The following NRXN3 variants were observed in gnomAD, a reference collection of about 807,000 sequenced individuals.
NRXN3 encodes the protein neurexin III.
A neutral mutation model predicts 137.6 loss-of-function variants in NRXN3; 32 were observed. That is an observed-to-expected ratio of 0.23 (90% CI 0.18 to 0.31). The LOEUF (loss-of-function observed/expected upper bound fraction) is 0.31. Ranked by LOEUF, NRXN3 falls within the 10% of genes least tolerant of loss-of-function variation. The pLI, the probability that NRXN3 is intolerant of heterozygous loss-of-function variation, is 1.00. For missense variants in NRXN3, 1,574 were observed against 2,062.5 expected (o/e 0.76, Z 4.59); for synonymous variants, 798 against 784.5 (o/e 1.02, Z -0.29).
chr14:79,149,668 A>C (rs1439588123), intron 15 of NRXN3, among the ~76,000 whole-genome samples: 1 of 152,108 alleles, frequency 6.6e-6, no homozygotes. Context: ...ATGGAATACT[A>C]TACAGACATA....
chr14:79,127,549 A>G (rs2056737435), intron 15 of NRXN3, among the ~76,000 whole-genome samples: 1 of 152,174 alleles, frequency 6.6e-6, no homozygotes, highest in Non-Finnish European at 1.5e-5. Flanking sequence ...CTGTTTTGGT[A>G]CCAGTACCAT....
chr14:78,294,274 G>A (rs565385049), intron 3 of NRXN3, among the ~76,000 whole-genome samples: 6 of 152,276 alleles, frequency 3.9e-5, no homozygotes, highest in African/African-American at 1.2e-4. Flanking sequence ...CTCGTGTCAG[G>A]CTGGGCGTGG....
In NRXN3 at chr14:79,865,632, A is replaced by AGAT. The variant is rs1451981107; in HGVS notation, c.*3670_*3672dup. The AGAT allele has an allele frequency of 6.6e-6, 1 of 151,892 alleles. No individual in the cohort carries two copies. Among genetic ancestry groups the AGAT allele is most frequent in the African/African-American group, 2.4e-5 (1 of 41,332 alleles). 9.4% of individuals were successfully genotyped at this position (151,892 alleles called of 1,614,324 possible). On this transcript the variant is annotated 3_prime_UTR_variant, in exon 21 of 21. Coordinates refer to ENST00000335750, the MANE Select transcript of NRXN3 (RefSeq NM_001330195.2). The stretch of plus-strand genomic sequence containing the variant: ...GTTCCTGTCTTCAAAGTTCTGTATT[A>AGAT]GATGTTCTCCCATCATTTTTTGAGA...
intron 15 of NRXN3, among the ~76,000 whole-genome samples, chr14:79,431,833 A>G (rs2095760916): frequency 1.3e-5 from 2 of 152,154 alleles, no homozygotes; most frequent in Non-Finnish European, 2.9e-5. Context: ...TTATTACTAA[A>G]TTATGTTGAC....
At chr14:78,922,408 A>C (rs1034878633) in intron 10 of NRXN3, among the ~76,000 whole-genome samples, 1 of 152,168 alleles carries the variant, frequency 6.6e-6, no homozygotes, top group Non-Finnish European at 1.5e-5. Context: ...TATCTTTTCT[A>C]TTTTGAGGGT....
intron 20 of NRXN3, among the ~76,000 whole-genome samples, chr14:79,852,234 A>AACGCACACAC (rs1491346009): frequency 7.8e-6 from 1 of 128,184 alleles, no homozygotes; most frequent in Non-Finnish European, 1.6e-5. Flanking sequence ...TTCAACTCCC[A>AACGCACACAC]ACACACACAC....
intron 4 of NRXN3, among the ~76,000 whole-genome samples, chr14:78,593,888 G>A (rs940110830): frequency 2.6e-5 from 4 of 152,126 alleles, no homozygotes; most frequent in African/African-American, 9.7e-5. Flanking sequence ...CCAATGGAGA[G>A]GGGCCCAGGC....
chr14:78,710,593 T>C (rs1251165626), intron 7 of NRXN3, among the ~76,000 whole-genome samples: 1 of 152,224 alleles, frequency 6.6e-6, no homozygotes, highest in Non-Finnish European at 1.5e-5. Flanking sequence ...GCCATATTTA[T>C]AGAGATTCAC....
intron 19 of NRXN3, among the ~76,000 whole-genome samples, chr14:79,776,866 T>C (rs1015519097): frequency 6.6e-6 from 1 of 152,236 alleles, no homozygotes; most frequent in African/African-American, 2.4e-5. Flanking sequence ...AATGCACTGA[T>C]CGCCAACTGC....
rs114308675 is a variant in NRXN3, at chr14:78,305,484, G to A, written c.757+7624G>A. Among the ~76,000 whole-genome samples, 408 of 152,140 alleles carry A rather than the reference G, an allele frequency of 2.7e-3. 4 individuals carry two copies. Among genetic ancestry groups the A allele is most frequent in the African/African-American group, 9.1e-3 (376 of 41,488 alleles). On this transcript the variant is annotated intron_variant, in intron 4 of 20. Transcript: ENST00000335750. Reference sequence around the variant, plus strand: ...TTGATCACTGGCCTTCTAATGCTGAGCTAATCAACACTGGCCAAACTGGAA... The same window carrying A: ...TTGATCACTGGCCTTCTAATGCTGAACTAATCAACACTGGCCAAACTGGAA...
At chr14:79,225,826 G>T (rs986304961) in intron 15 of NRXN3, among the ~76,000 whole-genome samples, 6 of 152,042 alleles carry the variant, frequency 3.9e-5, no homozygotes, top group African/African-American at 1.2e-4. Flanking sequence ...GAGATCTGGG[G>T]TTTTTTTGCT....
chr14:79,436,556 T>C (rs2095848739), intron 15 of NRXN3, among the ~76,000 whole-genome samples: 1 of 152,192 alleles, frequency 6.6e-6, no homozygotes, highest in Non-Finnish European at 1.5e-5. Flanking sequence ...CCTCTTCTCC[T>C]CCTTCCCCCT....
intron 4 of NRXN3, among the ~76,000 whole-genome samples, chr14:78,549,924 A>G (rs1185451470): frequency 1.3e-5 from 2 of 151,982 alleles, no homozygotes; most frequent in Non-Finnish European, 2.9e-5. Flanking sequence ...TCGATACTTT[A>G]TCATCATTAC....
chr14:79,331,292 G>C (rs1051553766), intron 15 of NRXN3, among the ~76,000 whole-genome samples: 1 of 152,102 alleles, frequency 6.6e-6, no homozygotes, highest in Non-Finnish European at 1.5e-5. Context: ...TTATGCACAA[G>C]GTATAAAAGT....
intron 15 of NRXN3, among the ~76,000 whole-genome samples, chr14:79,100,911 T>TA (rs1301518099): frequency 1.3e-4 from 19 of 151,870 alleles, no homozygotes; most frequent in South Asian, 8.3e-4. Context: ...CAAAACTAAA[T>TA]AAAAAAAATA....
intron 8 of NRXN3, among the ~76,000 whole-genome samples, chr14:78,796,269 G>A (rs2098821480): frequency 6.6e-6 from 1 of 152,224 alleles, no homozygotes; most frequent in Non-Finnish European, 1.5e-5. Flanking sequence ...AAAGGCCAGA[G>A]TCCACCATCT....
chr14:78,276,055 C>T (rs1354020724), intron 2 of NRXN3, among the ~76,000 whole-genome samples: 1 of 152,174 alleles, frequency 6.6e-6, no homozygotes, highest in Non-Finnish European at 1.5e-5. Context: ...AATGCTCAGA[C>T]CTGCCTCCAG....
intron 4 of NRXN3, among the ~76,000 whole-genome samples, chr14:78,343,955 A>T (rs2082420645): frequency 6.6e-6 from 1 of 152,230 alleles, no homozygotes; most frequent in South Asian, 2.1e-4. Context: ...TGCTTGCTGC[A>T]CATTAGAATC....
chr14:79,433,339 G>A lies in NRXN3; in HGVS notation c.3263-33882G>A, dbSNP rs139815762. ...GACATCCTGGTTGTTCTTGACCCCC[G>A]CAAGAACAGCTACAGTTCTTTCAGA... On this transcript the variant is annotated intron_variant, in intron 15 of 20. Coordinates refer to ENST00000335750, the MANE Select transcript of NRXN3 (RefSeq NM_001330195.2). 9.3e-3 allele frequency among the ~76,000 whole-genome samples: 1,408 copies of A among 152,196 alleles called. 13 individuals are homozygous for A. Among genetic ancestry groups the A allele is most frequent in the Non-Finnish European group, 0.013 (883 of 67,994 alleles).
Sources: gnomAD v4.1 joint callset for allele counts (sites outside exome capture counted in the v4.1 genomes callset) on GRCh38, gnomAD v4.1.1 for gene constraint, MANE v1.5 for transcripts, NCBI Gene and HGNC (gene_info 2026-07-23, HGNC 2026-07-21) for gene names.